The following NKAIN2 variants were observed in gnomAD, a reference collection of about 807,000 sequenced individuals.
The protein encoded by NKAIN2 is sodium/potassium transporting ATPase interacting 2.
Under a neutral mutation model 32.6 loss-of-function variants are expected in NKAIN2, and 14 were observed. The observed-to-expected ratio is 0.43, with a 90% CI of 0.28 to 0.67. NKAIN2 has a LOEUF of 0.67. Among genes scored for constraint, NKAIN2 ranks in the 30% least tolerant of loss-of-function variants. NKAIN2 has a pLI of 0.17. For missense variants in NKAIN2, 198 were observed against 258.3 expected (o/e 0.77, Z 1.60); for synonymous variants, 80 against 87.2 (o/e 0.92, Z 0.46).
intron 3 of NKAIN2, among the ~76,000 whole-genome samples, chr6:124,449,052 A>G (rs1776001441): frequency 6.6e-6 from 1 of 152,134 alleles, no homozygotes; most frequent in African/African-American, 2.4e-5. Context: ...TAAATTTCAA[A>G]GGCAGCCACA....
chr6:124,141,302 G>T (rs749725589), intron 1 of NKAIN2, among the ~76,000 whole-genome samples: 1 of 152,126 alleles, frequency 6.6e-6, no homozygotes, highest in Non-Finnish European at 1.5e-5. Flanking sequence ...TTCTTGGACC[G>T]TTAGCTAAAA....
chr6:124,753,510 G>T (rs1433376654), intron 4 of NKAIN2, among the ~76,000 whole-genome samples: 2 of 152,078 alleles, frequency 1.3e-5, no homozygotes, highest in Admixed American at 6.6e-5. Context: ...GGAGAAAAAT[G>T]GCTTATTATA....
intron 3 of NKAIN2, among the ~76,000 whole-genome samples, chr6:124,541,086 C>A (rs915736059): frequency 6.6e-6 from 1 of 152,136 alleles, no homozygotes; most frequent in Non-Finnish European, 1.5e-5. Flanking sequence ...AAATGTTACA[C>A]AGTTCTTACT....
intron 1 of NKAIN2, among the ~76,000 whole-genome samples, chr6:124,233,469 T>C (rs139677437): frequency 6.6e-6 from 1 of 152,156 alleles, no homozygotes; most frequent in Admixed American, 6.6e-5. Flanking sequence ...CAAAGCAAGA[T>C]AACTAAAATC....
At chr6:124,356,251 A>G (rs527465746) in intron 3 of NKAIN2, among the ~76,000 whole-genome samples, 32 of 152,296 alleles carry the variant, frequency 2.1e-4, no homozygotes, top group African/African-American at 7.7e-4. Context: ...CTCAGGAACT[A>G]CCTTTGCCTT....
chr6:124,738,293 T>A (rs1266303546), intron 4 of NKAIN2, among the ~76,000 whole-genome samples: 3 of 151,892 alleles, frequency 2.0e-5, no homozygotes, highest in Non-Finnish European at 4.4e-5. Context: ...CAAGATAGTA[T>A]GAACATAGTT....
rs543239958 is a variant in NKAIN2 at position 124,736,970 on chromosome 6, T to C, written c.475-54369T>C. On this transcript the variant is annotated intron_variant, in intron 4 of 6. Coordinates refer to ENST00000368417, the MANE Select transcript of NKAIN2 (RefSeq NM_001040214.3). ...ATAGATAATAATTTATATGAAGGAG[T>C]TAGGCAAAGTAAATTGAAAACCTTC... is the stretch of plus-strand genomic sequence containing the variant. 3.0e-4 allele frequency among the ~76,000 whole-genome samples: 45 copies of C among 152,032 alleles called. No homozygotes were observed. In the South Asian group the frequency reaches 8.9e-3, roughly 30 times the overall value.
chr6:124,105,495 T>A (rs1030073999), intron 1 of NKAIN2, among the ~76,000 whole-genome samples: 34 of 152,162 alleles, frequency 2.2e-4, no homozygotes, highest in African/African-American at 8.2e-4. Flanking sequence ...TCAACAAGAC[T>A]GTAGTTGAGA....
At chr6:124,632,815 T>C (rs1783621576) in intron 3 of NKAIN2, among the ~76,000 whole-genome samples, 1 of 152,208 alleles carries the variant, frequency 6.6e-6, no homozygotes, top group Non-Finnish European at 1.5e-5. Context: ...GAGACAAATC[T>C]TACTTTAAAA....
intron 2 of NKAIN2, among the ~76,000 whole-genome samples, chr6:124,323,784 C>CTTTTTTTTTTTTTTTTTTT (rs1188944631): frequency 8.6e-6 from 1 of 115,932 alleles, no homozygotes. Flanking sequence ...TTAATTTTTT[C>CTTTTTTTTTTTTTTTTTTT]TTTTTTTTTT....
In NKAIN2 at chr6:124,498,139, T is replaced by C. The variant is rs147642343; in HGVS notation, c.273+142792T>C. ...AAGAAAATCGAGAAAGTTTGAAATC[T>C]GGGAAAGTTATCCAAGAGTTACTTA... On this transcript the variant is annotated intron_variant, in intron 3 of 6. Coordinates refer to ENST00000368417, the MANE Select transcript of NKAIN2 (RefSeq NM_001040214.3). Among the ~76,000 whole-genome samples, 1,101 of 152,248 alleles carry C rather than the reference T, an allele frequency of 7.2e-3. 10 individuals are homozygous for C. Among genetic ancestry groups the C allele is most frequent in the African/African-American group, 0.024 (1,004 of 41,546 alleles).
rs536967381 is a variant in NKAIN2, at chr6:124,132,428, C to T, written c.55-150577C>T. On this transcript the variant is annotated intron_variant, in intron 1 of 6. Coordinates refer to ENST00000368417, the MANE Select transcript of NKAIN2 (RefSeq NM_001040214.3). ...ACTTCCCCTGGGTAACTTAGGGCAA[C>T]CTCAAATCCCACTGCTAATACCACA... 2.0e-5 allele frequency among the ~76,000 whole-genome samples: 3 copies of T among 152,336 alleles called. No homozygotes were observed. The East Asian group carries it at 5.8e-4, about 29-fold the overall frequency.
At chr6:124,105,006 A>G (rs528910218) in intron 1 of NKAIN2, among the ~76,000 whole-genome samples, 1 of 152,334 alleles carries the variant, frequency 6.6e-6, no homozygotes, top group Non-Finnish European at 1.5e-5. Flanking sequence ...TAGGTACAAC[A>G]TATCTAATTG....
intron 1 of NKAIN2, among the ~76,000 whole-genome samples, chr6:124,012,370 C>G (rs1224763874): frequency 7.5e-6 from 1 of 134,034 alleles, no homozygotes; most frequent in Non-Finnish European, 1.5e-5. Flanking sequence ...GAGTCTTGCT[C>G]TCTCACCCAG....
intron 3 of NKAIN2, among the ~76,000 whole-genome samples, chr6:124,576,459 T>A (rs1781338416): frequency 6.6e-6 from 1 of 152,210 alleles, no homozygotes; most frequent in South Asian, 2.1e-4. Flanking sequence ...GGAAAAGTCA[T>A]GCGAACCACA....
chr6:124,039,075 C>T (rs1212785219), intron 1 of NKAIN2, among the ~76,000 whole-genome samples: 1 of 152,018 alleles, frequency 6.6e-6, no homozygotes, highest in Non-Finnish European at 1.5e-5. Context: ...ATCTTTTTAA[C>T]ATCTGTTTTA....
intron 2 of NKAIN2, among the ~76,000 whole-genome samples, chr6:124,296,024 T>C (rs935405072): frequency 6.6e-6 from 1 of 152,106 alleles, no homozygotes; most frequent in African/African-American, 2.4e-5. Flanking sequence ...AAGAACAGCA[T>C]AATTCTATTT....
chr6:124,273,609 AT>A (rs1261960966), intron 1 of NKAIN2, among the ~76,000 whole-genome samples: 1 of 152,172 alleles, frequency 6.6e-6, no homozygotes, highest in African/African-American at 2.4e-5. Context: ...GATTCATCTC[AT>A]CATTGATTTG....
At chr6:124,684,851 G>A (rs2114514948) in intron 4 of NKAIN2, among the ~76,000 whole-genome samples, 1 of 152,206 alleles carries the variant, frequency 6.6e-6, no homozygotes, top group South Asian at 2.1e-4. Flanking sequence ...CTAACATCCA[G>A]CCCCAGGCAT....
Sources: gnomAD v4.1 joint callset for allele counts (sites outside exome capture counted in the v4.1 genomes callset) on GRCh38, gnomAD v4.1.1 for gene constraint, MANE v1.5 for transcripts, NCBI Gene and HGNC (gene_info 2026-07-23, HGNC 2026-07-21) for gene names.